The following NFASC variants were observed in gnomAD, a reference collection of about 807,000 sequenced individuals.
The protein encoded by NFASC is neurofascin homolog.
NFASC carries 43 observed loss-of-function variants against 147.5 expected under a neutral mutation model. That is an observed-to-expected ratio of 0.29 (90% CI 0.23 to 0.38). NFASC has a LOEUF of 0.38. Ranked by LOEUF, NFASC falls within the 10% of genes least tolerant of loss-of-function variation. The pLI is 1.00. For synonymous variants in NFASC, 622 were observed against 665.5 expected, an observed-to-expected ratio of 0.93 and a Z score of 1.01; for missense variants, 1,320 against 1,689.0, an observed-to-expected ratio of 0.78 and a Z score of 3.83.
chr1:204,837,147 G>T (rs921102174), intron 1 of NFASC, among the ~76,000 whole-genome samples: 1 of 152,186 alleles, frequency 6.6e-6, no homozygotes, highest in African/African-American at 2.4e-5. Flanking sequence ...ATGATTGATA[G>T]GTAATTAAGT....
chr1:204,903,834 C>G (rs1196244786), intron 1 of NFASC, among the ~76,000 whole-genome samples: 3 of 152,166 alleles, frequency 2.0e-5, no homozygotes, highest in Admixed American at 1.3e-4. Flanking sequence ...TAGCAGTTTT[C>G]TGAGATAATC....
intron 1 of NFASC, among the ~76,000 whole-genome samples, chr1:204,838,172 A>G (rs1049158702): frequency 6.6e-6 from 1 of 152,260 alleles, no homozygotes; most frequent in Non-Finnish European, 1.5e-5. Context: ...TGCACAGTCT[A>G]ACATAATTAA....
Position 204,991,276 on chromosome 1 carries a change from G to A in NFASC, c.2768-16G>A. On this transcript the variant is annotated splice_polypyrimidine_tract_variant and intron_variant, in intron 23 of 29. Transcript: ENST00000339876. The stretch of plus-strand genomic sequence containing the variant: ...TTCTCCCTCTGTCTGGCCATCTTGG[G>A]CGCTGTGTTCTGAAGCTACTCCAAC... 2 of 1,612,618 alleles carry A rather than the reference G, an allele frequency of 1.2e-6. No homozygotes were observed. Among genetic ancestry groups the A allele is most frequent in the Non-Finnish European group, 1.7e-6 (2 of 1,179,278 alleles).
At chr1:204,929,572 G>A (rs1472945154) in intron 2 of NFASC, 6 of 152,458 alleles carry the variant, frequency 3.9e-5, no homozygotes, top group Non-Finnish European at 2.9e-5. Context: ...CTTCTAAAAG[G>A]GGAGGTGGGA....
intron 1 of NFASC, among the ~76,000 whole-genome samples, chr1:204,915,734 A>G (rs1158094796): frequency 1.3e-5 from 2 of 152,228 alleles, no homozygotes; most frequent in Admixed American, 6.5e-5. Flanking sequence ...GTAGAGGCAC[A>G]TGAACCACGA....
intron 10 of NFASC, among the ~76,000 whole-genome samples, chr1:204,970,322 T>C (rs1298124844): frequency 6.6e-6 from 1 of 151,700 alleles, no homozygotes; most frequent in Non-Finnish European, 1.5e-5. Flanking sequence ...AGGTCTGAGA[T>C]AGGCCCTAAC....
intron 4 of NFASC, among the ~76,000 whole-genome samples, chr1:204,950,966 G>GC (rs2094071341): frequency 6.6e-6 from 1 of 152,052 alleles, no homozygotes; most frequent in South Asian, 2.1e-4. Context: ...CGTTTGTTGA[G>GC]CCTCCAGGGC....
rs1239075535 is a variant in NFASC at position 204,981,829 on chromosome 1, A to G, written c.2279A>G (p.Asn760Ser). The G allele has an allele frequency of 6.3e-7, 1 of 1,582,834 alleles. No homozygotes were observed. Among genetic ancestry groups the G allele is most frequent in the Admixed American group, 1.8e-5 (1 of 56,214 alleles). Residue 760 changes from asparagine to serine, a missense_variant, in exon 21 of 30, where the codon AAC (asparagine) becomes AGC (serine). By Grantham distance (46) the Asn-to-Ser change is conservative (BLOSUM62 1). Transcript: ENST00000339876. ...AATGCCACCTCGGCCTTTGGCCCCAACCTGCGCTACATTGTCAAGTGGAGG... is the reference window on the plus strand; with the variant it reads ...AATGCCACCTCGGCCTTTGGCCCCAGCCTGCGCTACATTGTCAAGTGGAGG... ...PMNATSAFGPNLRYIVKWRRR... is the reference protein window; with the variant it reads ...PMNATSAFGPSLRYIVKWRRR...
chr1:204,942,543 A>G (rs948955740), intron 2 of NFASC, among the ~76,000 whole-genome samples: 1 of 152,200 alleles, frequency 6.6e-6, no homozygotes, highest in Non-Finnish European at 1.5e-5. Context: ...TAGAAATAAC[A>G]GCTTTGGTTA....
At chr1:204,887,409 ATTTGGGTTGTTTCCACC>A (rs1281619391) in intron 1 of NFASC, among the ~76,000 whole-genome samples, 2 of 152,094 alleles carry the variant, frequency 1.3e-5, no homozygotes, top group Non-Finnish European at 2.9e-5. Flanking sequence ...GTCAATGGAC[ATTTGGGTTGTTTCCACC>A]TTTTAGCTTT....
At chr1:204,943,858 G>C (rs2093537695) in intron 2 of NFASC, among the ~76,000 whole-genome samples, 1 of 152,216 alleles carries the variant, frequency 6.6e-6, no homozygotes, top group Admixed American at 6.5e-5. Context: ...TTTCATGACT[G>C]TTCTTTGCAG....
intron 27 of NFASC, among the ~76,000 whole-genome samples, chr1:205,004,549 G>C (rs1316442050): frequency 6.6e-6 from 1 of 152,234 alleles, no homozygotes; most frequent in African/African-American, 2.4e-5. Flanking sequence ...TCACAGGCTG[G>C]CTGGAAATTA....
intron 1 of NFASC, among the ~76,000 whole-genome samples, chr1:204,895,410 A>G (rs531029827): frequency 6.6e-6 from 1 of 152,314 alleles, no homozygotes; most frequent in Admixed American, 6.5e-5. Context: ...GTTTTGCTGT[A>G]GTACATCAGG....
chr1:204,968,969 G>C lies in NFASC; in HGVS notation c.990G>C (p.Ser330=). The C allele has an allele frequency of 6.2e-7, 1 of 1,613,808 alleles. No homozygotes were observed. Among genetic ancestry groups the C allele is most frequent in the Non-Finnish European group, 8.5e-7 (1 of 1,179,920 alleles). The change falls in exon 10 of 30, where the codon TCG becomes TCC. Residue 330 remains serine, a synonymous_variant. Transcript: ENST00000339876. This position sits in a 1 kb window ranked among gnomAD's most constrained non-coding sequence, Gnocchi z 5.4. ...NKMGSIRHTI[S]VRVKAAPYWL... ...TGGGCAGCATCCGGCACACGATCTC[G>C]GTGAGAGTAAAGGGTACGTTGTGTG...
chr1:205,004,881 G>A (rs2096072193), intron 27 of NFASC, among the ~76,000 whole-genome samples: 1 of 152,210 alleles, frequency 6.6e-6, no homozygotes, highest in Non-Finnish European at 1.5e-5. Flanking sequence ...AAATCCCAAT[G>A]GGAAGTTAAT....
intron 1 of NFASC, among the ~76,000 whole-genome samples, chr1:204,876,039 A>G (rs531081855): frequency 6.6e-6 from 1 of 152,310 alleles, no homozygotes; most frequent in East Asian, 1.9e-4. Flanking sequence ...CTAAGCCTTT[A>G]AGATAGGCCT....
At position 204,977,019 on chromosome 1, in the gene NFASC, A is replaced by G. The variant is rs961476033; in HGVS notation, c.1831+224A>G. On this transcript the variant is annotated intron_variant, in intron 16 of 29. Transcript: ENST00000339876. ...CCTGAGTGGAGTCATTAACTTCCCC[A>G]CGTCTCAACTGAAAGGGGCCTGAGT... 8.5e-6 allele frequency: 11 copies of G among 1,299,964 alleles called. No homozygotes were observed. The African/African-American group carries it at 1.7e-4, about 20-fold the overall frequency. 80.5% of individuals were successfully genotyped at this position (1,299,964 alleles called of 1,614,324 possible).
intron 27 of NFASC, among the ~76,000 whole-genome samples, chr1:205,003,233 G>A (rs1308963564): frequency 1.3e-5 from 2 of 152,190 alleles, no homozygotes; most frequent in African/African-American, 2.4e-5. Flanking sequence ...ATCATCTATT[G>A]TTAAAAATTT....
intron 1 of NFASC, among the ~76,000 whole-genome samples, chr1:204,858,776 T>A (rs1367393146): frequency 6.6e-6 from 1 of 152,032 alleles, no homozygotes; most frequent in African/African-American, 2.4e-5. Context: ...GCTCTGGGGC[T>A]CCCAACAGCC....
Sources: gnomAD v4.1 joint callset for allele counts (sites outside exome capture counted in the v4.1 genomes callset) on GRCh38, gnomAD v4.1.1 for gene constraint, Gnocchi (gnomAD v3.1) non-coding constraint, MANE v1.5 for transcripts, NCBI Gene and HGNC (gene_info 2026-07-23, HGNC 2026-07-21) for gene names.